The following ZNF486 variants were observed in gnomAD, a reference collection of about 807,000 sequenced individuals.
The protein encoded by ZNF486 is zinc finger protein 486, also known as KRAB box only protein 2.
Under a neutral mutation model 12.8 loss-of-function variants are expected in ZNF486, and 12 were observed. The ratio of observed to expected loss-of-function variants is 0.94; its 90% CI spans 0.60 to 1.52. The LOEUF is 1.52. Among genes scored for constraint, ZNF486 ranks in the 40% most tolerant of loss-of-function variants. The probability of loss-of-function intolerance (pLI) is 0.00; values close to 1 mark genes in which losing one functional copy is unlikely to be tolerated. For synonymous variants in ZNF486, 231 were observed against 184.9 expected (o/e 1.25, Z -2.02); for missense variants, 738 against 545.0 (o/e 1.35, Z -3.53).
chr19:20,191,262 G>A (rs2089899099), intron 3 of ZNF486, among the ~76,000 whole-genome samples: 1 of 151,978 alleles, frequency 6.6e-6, no homozygotes, highest in African/African-American at 2.4e-5. Context: ...ATGAGGTCAG[G>A]AGATCGAGAC....
chr19:20,186,016 A>C lies in ZNF486; in HGVS notation c.187A>C (p.Thr63Pro). The change falls in exon 3 of 4, where the codon ACC (threonine) becomes CCC (proline). Residue 63 changes from threonine to proline, a missense_variant. Coordinates refer to ENST00000335117, the MANE Select transcript of ZNF486 (RefSeq NM_052852.4). ...TATTGTCTCTAAGCCAGACCTGATC[A>C]CCTGTCTGGAGCAAGGAATAAAACC... ...GIIVSKPDLI[T>P]CLEQGIKPLT... 1 of 1,588,172 alleles carries C rather than the reference A, an allele frequency of 6.3e-7. No homozygotes were observed. Among genetic ancestry groups the C allele is most frequent in the Non-Finnish European group, 8.6e-7 (1 of 1,169,440 alleles).
intron 3 of ZNF486, chr19:20,188,571 C>T (rs575930182): frequency 6.3e-5 from 25 of 397,634 alleles, no homozygotes; most frequent in African/African-American, 4.3e-4. Context: ...GTGGTACCTG[C>T]TACTTGGGAG....
rs782415249 is a variant in ZNF486 at position 20,197,076 on chromosome 19, T to TA, written c.372dup (p.Gly125ArgfsTer3). ...AATGTGGACATGGCAATTTACACTTTAAAAAAGGCTGTGAAAGTGTGGATG... is the reference window on the plus strand; with the variant it reads ...AATGTGGACATGGCAATTTACACTTTAAAAAAAGGCTGTGAAAGTGTGGATG... On this transcript the variant is annotated frameshift_variant, in exon 4 of 4. Transcript: ENST00000335117. LOFTEE classifies it low-confidence loss of function (END_TRUNC). 16 of 1,611,868 alleles carry TA rather than the reference T, an allele frequency of 9.9e-6. No homozygotes were observed. The African/African-American group carries it at 2.1e-4, about 22-fold the overall frequency.
chr19:20,177,663 C>T (rs1220790175), intron 1 of ZNF486, among the ~76,000 whole-genome samples: 1 of 152,016 alleles, frequency 6.6e-6, no homozygotes, highest in East Asian at 2.0e-4. Context: ...CTAACCCCGC[C>T]TCCCAGGTTC....
intron 3 of ZNF486, among the ~76,000 whole-genome samples, chr19:20,194,741 T>C (rs1264955713): frequency 1.3e-5 from 2 of 151,950 alleles, no homozygotes; most frequent in African/African-American, 2.4e-5. Flanking sequence ...AAAAAAAAAT[T>C]CTCTGGTTAT....
At chr19:20,195,647 C>G (rs1257458106) in intron 3 of ZNF486, among the ~76,000 whole-genome samples, 3 of 152,156 alleles carry the variant, frequency 2.0e-5, no homozygotes, top group Non-Finnish European at 2.9e-5. Context: ...ATAGCTTTGT[C>G]CTGGCGTAGC....
At position 20,197,958 on chromosome 19, in the gene ZNF486, T is replaced by C. The variant is rs1555718370; in HGVS notation, c.1248T>C (p.Thr416=). 1.2e-6 allele frequency: 2 copies of C among 1,613,282 alleles called. No individual in the cohort carries two copies. The highest frequency in any genetic ancestry group is 1.3e-5 in the African/African-American group (1 of 74,754). The change falls in exon 4 of 4, where the codon ACT becomes ACC. Residue 416 remains threonine (T), a synonymous_variant. Transcript: ENST00000335117. ...YKCEECGKAY[T]TSSNLTEHKT... ...GTGAAGAATGTGGCAAAGCGTATAC[T>C]ACATCCTCAAATCTAACTGAACATA... is the stretch of plus-strand genomic sequence containing the variant.
At chr19:20,190,479 G>A (rs1343122463) in intron 3 of ZNF486, among the ~76,000 whole-genome samples, 1 of 152,098 alleles carries the variant, frequency 6.6e-6, no homozygotes, top group African/African-American at 2.4e-5. Context: ...CAGCCTCCTG[G>A]GCTCAAGTGA....
chr19:20,172,144 C>T (rs1157156908), intron 1 of ZNF486, among the ~76,000 whole-genome samples: 1 of 152,070 alleles, frequency 6.6e-6, no homozygotes, highest in East Asian at 1.9e-4. Flanking sequence ...GCTGGGATTA[C>T]AAGCATGCAC....
At chr19:20,175,915 GAGGCGCCCCTCACCTCCCGGAT>G in intron 1 of ZNF486, among the ~76,000 whole-genome samples, 3 of 152,044 alleles carry the variant, frequency 2.0e-5, no homozygotes, top group African/African-American at 7.2e-5. Context: ...CGGCTGGGCA[GAGGCGCCCCTCACCTCCCGGAT>G]GGGGCGGCTG....
chr19:20,167,413 AG>A, intron 1 of ZNF486, 53 bp downstream of exon 1: 1 of 1,598,900 alleles, frequency 6.3e-7, no homozygotes, highest in South Asian at 1.1e-5. Flanking sequence ...GTTGATGGGA[AG>A]TGGCTGTGGA....
rs145764097 is a variant in ZNF486, at chr19:20,197,254, T to C, written c.544T>C (p.Leu182=). Residue 182 remains leucine (L), a synonymous_variant, in exon 4 of 4, where the codon TTG becomes CTG. Transcript: ENST00000335117. The part of the protein sequence containing the change: ...HKRRHTEKKP[L]KYIEGDKAFN... ...AAGAAGACATACTGAAAAAAAACCT[T>C]TGAAATATATAGAAGGTGACAAAGC... 195 of 1,611,720 alleles carry C rather than the reference T, an allele frequency of 1.2e-4. 1 individual carries two copies. In the East Asian group the frequency reaches 3.6e-3, roughly 30 times the overall value.
At chr19:20,177,230 A>C (rs1327020261) in intron 1 of ZNF486, among the ~76,000 whole-genome samples, 12 of 152,250 alleles carry the variant, frequency 7.9e-5, no homozygotes, top group African/African-American at 2.9e-4. Flanking sequence ...GCCCACTGCC[A>C]GTGAGTACAG....
At position 20,184,342 on chromosome 19, in the gene ZNF486, T is replaced by C; in HGVS notation, c.31-14T>C. On this transcript the variant is annotated splice_polypyrimidine_tract_variant and intron_variant, in intron 1 of 3. Coordinates refer to ENST00000335117, the MANE Select transcript of ZNF486 (RefSeq NM_052852.4). Reference sequence around the variant, plus strand: ...GCGACTTGGTGAAAATGTGTGTGTGTGTGTGTTTTTCAGGAATCATTGCAA... The same window carrying C: ...GCGACTTGGTGAAAATGTGTGTGTGCGTGTGTTTTTCAGGAATCATTGCAA... 1 of 1,611,950 alleles carries C rather than the reference T, an allele frequency of 6.2e-7. No individual in the cohort carries two copies. The highest frequency in any genetic ancestry group is 8.5e-7 in the Non-Finnish European group (1 of 1,178,724).
chr19:20,191,268 G>C (rs917502082), intron 3 of ZNF486, among the ~76,000 whole-genome samples: 1 of 151,808 alleles, frequency 6.6e-6, no homozygotes. Context: ...TCAGGAGATC[G>C]AGACCATCCT....
Position 20,183,572 on chromosome 19 carries a change from GTTC to G in ZNF486, c.31-779_31-777del, listed in dbSNP as rs542214332. On this transcript the variant is annotated intron_variant, in intron 1 of 3. Coordinates refer to ENST00000335117, the MANE Select transcript of ZNF486 (RefSeq NM_052852.4). The stretch of plus-strand genomic sequence containing the variant: ...AGGAATATTTCAACAGTGATGCTGT[GTTC>G]TTCTGTGTGAATTAGGACATCATAA... Among the ~76,000 whole-genome samples, 930 of 152,242 alleles carry G rather than the reference GTTC, an allele frequency of 6.1e-3. 5 individuals are homozygous for G. The highest frequency in any genetic ancestry group is 0.021 in the African/African-American group (865 of 41,552).
At chr19:20,187,501 T>A (rs922149148) in intron 3 of ZNF486, among the ~76,000 whole-genome samples, 2 of 91,650 alleles carry the variant, frequency 2.2e-5, no homozygotes, top group Non-Finnish European at 4.1e-5. Context: ...CCTCTTCAAG[T>A]TTTTTTTTTT....
intron 1 of ZNF486, among the ~76,000 whole-genome samples, chr19:20,171,278 C>T (rs2089645091): frequency 1.3e-5 from 2 of 152,310 alleles, no homozygotes; most frequent in South Asian, 4.1e-4. Flanking sequence ...GGTCTTCTCC[C>T]AGGGTGACAG....
intron 1 of ZNF486, among the ~76,000 whole-genome samples, chr19:20,169,096 C>T (rs1279312118): frequency 6.6e-6 from 1 of 151,984 alleles, no homozygotes; most frequent in Non-Finnish European, 1.5e-5. Context: ...ACCTCAGCCT[C>T]CCGAAGTGGT....
Sources: allele counts gnomAD v4.1 joint callset (sites outside exome capture counted in the v4.1 genomes callset), GRCh38; gene constraint gnomAD v4.1.1; transcripts MANE v1.5; gene names NCBI Gene and HGNC (gene_info 2026-07-23, HGNC 2026-07-21).